BBS2: variants seen among roughly 807,000 people sequenced by gnomAD.
BBS2 encodes BBSome complex member BBS2.
In BBS2, 62 loss-of-function variants were observed where a neutral mutation model predicts 83.0. That is an observed-to-expected ratio of 0.75 (90% confidence interval 0.61 to 0.92). The LOEUF (loss-of-function observed/expected upper bound fraction) is 0.92. Among genes scored for constraint, BBS2 ranks in the 40% least tolerant of loss-of-function variants. The probability of loss-of-function intolerance (pLI) is 0.00; values close to 1 mark genes in which losing one functional copy is unlikely to be tolerated. For missense variants in BBS2, 784 were observed against 901.0 expected (o/e 0.87, Z 1.66); for synonymous variants, 303 against 326.1 (o/e 0.93, Z 0.76).
At chr16:56,499,628 G>T in intron 12 of BBS2, 150 bp downstream of exon 12, 1 of 1,068,708 alleles carries the variant, frequency 9.4e-7, no homozygotes, top group Non-Finnish European at 1.4e-6. Context: ...TTTATTACAG[G>T]TTACAAGCCA....
Position 56,516,484 on chromosome 16 carries a change from C to T in BBS2, c.118-1804G>A, listed in dbSNP as rs146551671. ...CAATCTCAGCTCACTGCAACCTCTG[C>T]CTCCTGGGTCCTAGGGATTCTCCTG... On this transcript the variant is annotated intron_variant, in intron 1 of 16. Coordinates refer to ENST00000245157, the MANE Select transcript of BBS2 (RefSeq NM_031885.5). Among the ~76,000 whole-genome samples the T allele has an allele frequency of 5.0e-3, 756 of 152,298 alleles. 5 individuals carry two copies. The highest frequency in any genetic ancestry group is 0.017 in the African/African-American group (721 of 41,556).
chr16:56,505,150 C>G (rs1320319447), intron 7 of BBS2, among the ~76,000 whole-genome samples: 1 of 152,218 alleles, frequency 6.6e-6, no homozygotes, highest in Non-Finnish European at 1.5e-5. Flanking sequence ...ACCCATTTCA[C>G]AGACTTTCAT....
intron 2 of BBS2, among the ~76,000 whole-genome samples, chr16:56,512,019 C>T (rs1597025515): frequency 2.6e-5 from 4 of 152,016 alleles, no homozygotes; most frequent in Admixed American, 1.3e-4. Context: ...GACAAACTAC[C>T]AATAAAAAAT....
intron 16 of BBS2, 95 bp downstream of exon 16, chr16:56,485,495 G>T: frequency 2.7e-6 from 4 of 1,484,990 alleles, no homozygotes; most frequent in South Asian, 1.1e-5. Context: ...GCTACTTTCA[G>T]CCCCAATATG....
In BBS2 at chr16:56,493,383, CAAAAAAA is replaced by C. The variant is rs1177705335; in HGVS notation, c.1910+3577_1910+3583del. Among the ~76,000 whole-genome samples the C allele has an allele frequency of 3.3e-4, 8 of 24,026 alleles. No individual in the cohort carries two copies. The East Asian group carries it at 5.5e-3, about 17-fold the overall frequency. 15.8% of individuals were successfully genotyped at this position (24,026 alleles called of 152,430 possible). A position where few individuals can be genotyped will look rare whatever the true frequency, so the allele number is the denominator to read the frequency against. ...CCTGGGTGACAGCAAGACCTTGTCT[CAAAAAAA>C]AAAAAAAAAAAAAAAAAAACCAAGG... On this transcript the variant is annotated intron_variant, in intron 15 of 16. Transcript: ENST00000245157.
At position 56,519,838 on chromosome 16, in the gene BBS2, T is replaced by C; in HGVS notation, c.25A>G (p.Lys9Glu). The change falls in exon 1 of 17, where the codon AAA becomes GAA. Residue 9 changes from lysine to glutamate, a missense_variant. Physicochemically the swap from Lys to Glu is moderately conservative, Grantham distance 56 (BLOSUM62 1). Transcript: ENST00000245157. ...CGGGGGCTGATTTTGTGGCGCAGTT[T>C]CAGGGTGAACACAGGCAGCAGCATG... MLLPVFTL[K>E]LRHKISPRMV... is the part of the protein sequence containing the mutation. The C allele has an allele frequency of 6.2e-7, 1 of 1,613,880 alleles. No homozygotes were observed. The highest frequency in any genetic ancestry group is 1.1e-5 in the South Asian group (1 of 91,084).
intron 2 of BBS2, among the ~76,000 whole-genome samples, chr16:56,512,487 ACAAAC>A (rs1376129006): frequency 6.6e-6 from 1 of 152,236 alleles, no homozygotes; most frequent in African/African-American, 2.4e-5. Context: ...GAGTGGATAA[ACAAAC>A]CATAGTATAT....
Position 56,496,996 on chromosome 16 carries a change from T to G in BBS2, c.1881A>C (p.Gly627=). The change falls in exon 15 of 17, where the codon GGA becomes GGC. Residue 627 remains glycine (G), a synonymous_variant. Transcript: ENST00000245157. Reference sequence around the variant, plus strand: ...CCCTCATCAGACGAGCATCCTCAGCTCCGACCAGCAAACTTCGGATCAAAT... The same window carrying G: ...CCCTCATCAGACGAGCATCCTCAGCGCCGACCAGCAAACTTCGGATCAAAT... ...HSNLIRSLLV[G]AEDARLMRDM... 1 of 1,614,016 alleles carries G rather than the reference T, an allele frequency of 6.2e-7. No individual in the cohort carries two copies. The highest frequency in any genetic ancestry group is 8.5e-7 in the Non-Finnish European group (1 of 1,179,908).
Position 56,501,501 on chromosome 16 carries a change from C to T in BBS2, c.1081-4G>A. 3 of 1,614,096 alleles carry T rather than the reference C, an allele frequency of 1.9e-6. No homozygotes were observed. The highest frequency in any genetic ancestry group is 2.5e-6 in the Non-Finnish European group (3 of 1,180,002). ...TCAGTGGACTGGCCAATTCAGCCTG[C>T]AAAACACCCCACCCATTTCCTACTC... On this transcript the variant is annotated splice_polypyrimidine_tract_variant and splice_region_variant and intron_variant, in intron 9 of 16. Transcript: ENST00000245157.
intron 17 of BBS2, chr16:56,478,293 GGATTACAGGCA>G (rs1483215363): frequency 2.6e-5 from 4 of 151,920 alleles, no homozygotes; most frequent in East Asian, 3.9e-4. Flanking sequence ...TAAGTAGCTG[GGATTACAGGCA>G]CCTGCCTCCA....
rs1963754527 is a variant in BBS2 at position 56,485,619 on chromosome 16, T to G, written c.2030A>C (p.Gln677Pro). 6.2e-7 allele frequency: 1 copy of G among 1,614,190 alleles called. No individual in the cohort carries two copies. Among genetic ancestry groups the G allele is most frequent in the South Asian group, 1.1e-5 (1 of 91,084 alleles). Residue 677 changes from glutamine (Q) to proline (P), a missense_variant, in exon 16 of 17, where the codon CAA (glutamine) becomes CCA (proline). Physicochemically the swap from Gln to Pro is moderately conservative, Grantham distance 76. Transcript: ENST00000245157. ...ELLGNLKAVNQAIQRAGRLRV... is the reference protein window; with the variant it reads ...ELLGNLKAVNPAIQRAGRLRV... The stretch of plus-strand genomic sequence containing the variant: ...CAGACGACCTGCTCTTTGAATTGCT[T>G]GATTTACTGCTTTGAGGTTTCCCAA...
exon 18 of BBS2, chr16:56,470,437 C>A: frequency 6.7e-7 from 1 of 1,492,190 alleles, no homozygotes; most frequent in South Asian, 1.3e-5. Flanking sequence ...TTCTGTGAGT[C>A]ATTTTACATC....
rs1363846772 is a variant in BBS2, at chr16:56,499,815, CTGAT to C, written c.1486_1489del (p.Ile496ValfsTer50). 4 of 1,614,084 alleles carry C rather than the reference CTGAT, an allele frequency of 2.5e-6. No homozygotes were observed. In the African/African-American group the frequency reaches 5.3e-5, roughly 22 times the overall value. On this transcript the variant is annotated frameshift_variant, in exon 12 of 17. Transcript: ENST00000245157. LOFTEE classifies it high-confidence loss of function. ...TTCTGCAATGGTAAAGTTAACATAA[CTGAT>C]TGGCTCACTGGCAGGGTCCAGGCTG...
chr16:56,474,845 T>C, intron 17 of BBS2: 1 of 1,612,318 alleles, frequency 6.2e-7, no homozygotes, highest in Non-Finnish European at 8.5e-7. Flanking sequence ...TGTTCCCATG[T>C]GCCAAGGGGA....
intron 17 of BBS2, chr16:56,474,941 G>A (rs1454328814): frequency 1.2e-6 from 2 of 1,613,646 alleles, no homozygotes; most frequent in Non-Finnish European, 1.7e-6. Flanking sequence ...TCTGTACTGT[G>A]GCTGTGAAGG....
chr16:56,499,418 A>G (rs2144137853), intron 12 of BBS2: 1 of 328,816 alleles, frequency 3.0e-6, no homozygotes, highest in East Asian at 8.0e-5. Context: ...TTAACGTAGC[A>G]CTTAAAGCCA....
chr16:56,494,525 A>G (rs1964057275), intron 15 of BBS2, among the ~76,000 whole-genome samples: 1 of 152,208 alleles, frequency 6.6e-6, no homozygotes, highest in Non-Finnish European at 1.5e-5. Flanking sequence ...GGCTGGTTCC[A>G]TATGAAGACT....
At position 56,497,316 on chromosome 16, in the gene BBS2, C is replaced by A; in HGVS notation, c.1798-237G>T. On this transcript the variant is annotated intron_variant, in intron 14 of 16. Coordinates refer to ENST00000245157, the MANE Select transcript of BBS2 (RefSeq NM_031885.5). ...TTCCCCATGCTTTAGCACCAGGAGC[C>A]CCCACAACACACATATTAATATTTT... 8.8e-6 allele frequency: 5 copies of A among 568,168 alleles called. No homozygotes were observed. In the South Asian group the frequency reaches 1.0e-4, roughly 11 times the overall value. The allele number at this position is 568,168 out of a possible 1,614,324, so 35.2% of individuals were successfully genotyped here. A position where few individuals can be genotyped will look rare whatever the true frequency, so the allele number is the denominator to read the frequency against.
intron 7 of BBS2, among the ~76,000 whole-genome samples, chr16:56,504,281 T>C (rs1330298175): frequency 6.6e-6 from 1 of 152,254 alleles, no homozygotes; most frequent in Non-Finnish European, 1.5e-5. Flanking sequence ...TCTTTCTAGT[T>C]AAAGCCTAGC....
Sources: gnomAD v4.1 joint callset for allele counts (sites outside exome capture counted in the v4.1 genomes callset) on GRCh38, gnomAD v4.1.1 for gene constraint, MANE v1.5 for transcripts, NCBI Gene and HGNC (gene_info 2026-07-23, HGNC 2026-07-21) for gene names.